Variants in PTPRN2 observed in about 807,000 individuals in gnomAD.
The protein encoded by PTPRN2 is receptor-type tyrosine-protein phosphatase N2.
PTPRN2 carries 74 observed loss-of-function variants against 118.8 expected under a neutral mutation model. The observed-to-expected ratio is 0.62, with a 90% CI of 0.52 to 0.76. The LOEUF is 0.76. PTPRN2 is among the 30% of genes least tolerant of loss of function. PTPRN2 has a pLI of 0.00. For synonymous variants in PTPRN2, 641 were observed against 608.0 expected (o/e 1.05, Z -0.80); for missense variants, 1,481 against 1,394.4 (o/e 1.06, Z -0.99).
intron 11 of PTPRN2, among the ~76,000 whole-genome samples, chr7:158,000,627 G>A (rs546752901): frequency 1.8e-3 from 76 of 42,652 alleles, no homozygotes; most frequent in African/African-American, 6.6e-3. Context: ...GGCTGGGGTC[G>A]GGCCGCAGGT....
chr7:157,776,089 C>T (rs1803199356), intron 12 of PTPRN2, among the ~76,000 whole-genome samples: 1 of 143,720 alleles, frequency 7.0e-6, no homozygotes. Context: ...CTCTTCCTCC[C>T]TCCTCTCCAC....
intron 12 of PTPRN2, among the ~76,000 whole-genome samples, chr7:157,737,277 C>T (rs1800354500): frequency 1.3e-5 from 2 of 152,260 alleles, no homozygotes; most frequent in Non-Finnish European, 2.9e-5. Context: ...AAGCTCGCCC[C>T]AGACTGGGGC....
intron 12 of PTPRN2, among the ~76,000 whole-genome samples, chr7:157,707,878 T>C (rs967757547): frequency 1.3e-5 from 2 of 152,262 alleles, no homozygotes; most frequent in African/African-American, 2.4e-5. Context: ...CGTGAGCCAC[T>C]GCGCCCAGCC....
intron 1 of PTPRN2, among the ~76,000 whole-genome samples, chr7:158,532,107 A>G (rs1563404013): frequency 6.6e-6 from 1 of 152,226 alleles, no homozygotes. Context: ...GTGTCCATCC[A>G]CAGACTTTAA....
At chr7:157,754,447 C>T (rs1037357506) in intron 12 of PTPRN2, among the ~76,000 whole-genome samples, 23 of 152,234 alleles carry the variant, frequency 1.5e-4, no homozygotes, top group East Asian at 1.9e-4. Context: ...CGGGAGGAGG[C>T]GGTGTGGGAC....
intron 4 of PTPRN2, among the ~76,000 whole-genome samples, chr7:158,203,280 G>C (rs929231328): frequency 4.8e-5 from 7 of 147,306 alleles, no homozygotes; most frequent in African/African-American, 1.8e-4. Context: ...AAAGAAAAAG[G>C]AAGGAAGGAA....
intron 11 of PTPRN2, among the ~76,000 whole-genome samples, chr7:158,016,121 A>C (rs1055903515): frequency 1.6e-4 from 24 of 152,156 alleles, no homozygotes; most frequent in Non-Finnish European, 7.3e-5. Flanking sequence ...GCAAATCAAC[A>C]CGGATGCCTC....
intron 21 of PTPRN2, among the ~76,000 whole-genome samples, chr7:157,556,952 G>A (rs28972879): frequency 0.011 from 1,602 of 145,992 alleles, 24 homozygotes; most frequent in African/African-American, 0.04. Context: ...CACACCCTAC[G>A]CTCATGTCAT....
chr7:157,730,379 C>T (rs908281469), intron 12 of PTPRN2, among the ~76,000 whole-genome samples: 2 of 152,196 alleles, frequency 1.3e-5, no homozygotes, highest in Admixed American at 6.5e-5. Flanking sequence ...GATGAGGAGC[C>T]AAAACAGAGG....
chr7:158,121,914 G>A (rs1817205789), intron 9 of PTPRN2, among the ~76,000 whole-genome samples: 1 of 152,172 alleles, frequency 6.6e-6, no homozygotes, highest in Non-Finnish European at 1.5e-5. Flanking sequence ...AGACAAACAA[G>A]ACAGGGCTGA....
intron 7 of PTPRN2, among the ~76,000 whole-genome samples, chr7:158,137,482 A>G (rs1818930133): frequency 6.6e-6 from 1 of 152,140 alleles, no homozygotes; most frequent in Non-Finnish European, 1.5e-5. Context: ...AAGGTGCGTG[A>G]CTCATGGCAC....
intron 11 of PTPRN2, among the ~76,000 whole-genome samples, chr7:157,918,279 G>C (rs1473630215): frequency 6.6e-6 from 1 of 152,218 alleles, no homozygotes; most frequent in Admixed American, 6.5e-5. Flanking sequence ...TCTTGAAGTT[G>C]ATAATGAGAA....
chr7:158,435,819 G>A (rs1313756409), intron 2 of PTPRN2, among the ~76,000 whole-genome samples: 3 of 152,168 alleles, frequency 2.0e-5, no homozygotes, highest in Non-Finnish European at 1.5e-5. Context: ...AGTAATCCAG[G>A]CACAGAAAAG....
chr7:157,697,866 A>G (rs12674428), intron 12 of PTPRN2, among the ~76,000 whole-genome samples: 7,721 of 133,192 alleles, frequency 0.058, 533 homozygotes, highest in African/African-American at 0.13. Flanking sequence ...AGCCCTCACC[A>G]TCTACTCATG....
chr7:158,198,528 C>A (rs1450585948), intron 4 of PTPRN2, among the ~76,000 whole-genome samples: 1 of 152,208 alleles, frequency 6.6e-6, no homozygotes, highest in Non-Finnish European at 1.5e-5. Context: ...TATATCCAAC[C>A]TTCATGGCCA....
intron 11 of PTPRN2, among the ~76,000 whole-genome samples, chr7:157,943,079 C>A (rs1040787889): frequency 2.6e-5 from 4 of 152,324 alleles, no homozygotes; most frequent in Admixed American, 6.5e-5. Context: ...AATTTGGCCC[C>A]AGGAAGCCTT....
intron 2 of PTPRN2, among the ~76,000 whole-genome samples, chr7:158,471,165 C>T (rs1438322814): frequency 2.6e-5 from 4 of 152,264 alleles, no homozygotes; most frequent in African/African-American, 4.8e-5. Context: ...AAAGCTTCCT[C>T]CTCTCTGAAG....
chr7:157,868,328 G>A lies in PTPRN2; in HGVS notation c.1788+30345C>T, dbSNP rs963548251. On this transcript the variant is annotated intron_variant, in intron 12 of 22. Coordinates refer to ENST00000389418, the MANE Select transcript of PTPRN2 (RefSeq NM_002847.5). The surrounding 1 kb of genome is among the most constrained non-coding windows in gnomAD (Gnocchi z 5.2). ...AGTTTGCCAAGTGATGAGTTTTCCT[G>A]TCTGAGCTTGTTTCCATCATCTCCA... 6.6e-6 allele frequency among the ~76,000 whole-genome samples: 1 copy of A among 152,170 alleles called. No individual in the cohort carries two copies. Among genetic ancestry groups the A allele is most frequent in the Non-Finnish European group, 1.5e-5 (1 of 68,018 alleles).
chr7:158,420,055 G>A (rs1419132889), intron 2 of PTPRN2, among the ~76,000 whole-genome samples: 1 of 152,184 alleles, frequency 6.6e-6, no homozygotes, highest in Admixed American at 6.5e-5. Flanking sequence ...AAGGTCTCCA[G>A]AGCTTTGGGG....
Sources: gnomAD v4.1 joint callset for allele counts (sites outside exome capture counted in the v4.1 genomes callset) on GRCh38, gnomAD v4.1.1 for gene constraint, Gnocchi (gnomAD v3.1) non-coding constraint, MANE v1.5 for transcripts, NCBI Gene and HGNC (gene_info 2026-07-23, HGNC 2026-07-21) for gene names.